GAS2: variants seen among roughly 807,000 people sequenced by gnomAD.
GAS2 encodes the protein growth arrest specific 2, also known as growth arrest-specific protein 2.
A neutral mutation model predicts 37.5 loss-of-function variants in GAS2; 20 were observed. The observed-to-expected ratio is 0.53, with a 90% CI of 0.37 to 0.77. The LOEUF is 0.77. Ranked by LOEUF, GAS2 falls within the 30% of genes least tolerant of loss-of-function variation. GAS2 has a pLI of 0.00. For synonymous variants in GAS2, 144 were observed against 132.2 expected (o/e 1.09, Z -0.61); for missense variants, 336 against 373.4 (o/e 0.90, Z 0.82).
At chr11:22,756,657 C>CA (rs1162113470) in intron 7 of GAS2, among the ~76,000 whole-genome samples, 1 of 151,890 alleles carries the variant, frequency 6.6e-6, no homozygotes, top group African/African-American at 2.4e-5. Context: ...CATGTAGTTG[C>CA]AAAAAGAAAG....
chr11:22,765,617 A>C lies in GAS2; in HGVS notation c.723+9664A>C, dbSNP rs184852056. ...ACACTGTGAAACCCTGTCTCTACTA[A>C]AATTACAAAAAATTAGCCTGGCGTG... On this transcript the variant is annotated intron_variant, in intron 7 of 7. Coordinates refer to ENST00000454584, the MANE Select transcript of GAS2 (RefSeq NM_001143830.3). Among the ~76,000 whole-genome samples, 839 of 152,070 alleles carry C rather than the reference A, an allele frequency of 5.5e-3. 6 individuals carry two copies. Among genetic ancestry groups the C allele is most frequent in the African/African-American group, 0.019 (796 of 41,508 alleles).
intron 3 of GAS2, among the ~76,000 whole-genome samples, chr11:22,705,626 C>T (rs572696679): frequency 8.5e-5 from 13 of 152,258 alleles, no homozygotes; most frequent in Middle Eastern, 3.4e-3. Flanking sequence ...TCTCAACTTT[C>T]GTTTAACCAT....
chr11:22,673,740 C>G (rs1456510774), intron 1 of GAS2, among the ~76,000 whole-genome samples: 1 of 152,154 alleles, frequency 6.6e-6, no homozygotes, highest in Non-Finnish European at 1.5e-5. Flanking sequence ...AACCCCATCT[C>G]TACTAAAAAA....
At chr11:22,699,313 G>T (rs1443094739) in intron 3 of GAS2, among the ~76,000 whole-genome samples, 1 of 152,116 alleles carries the variant, frequency 6.6e-6, no homozygotes, top group Admixed American at 6.6e-5. Context: ...TCTACAAAGG[G>T]ACCCAAACTC....
intron 3 of GAS2, among the ~76,000 whole-genome samples, chr11:22,711,336 T>C (rs1851395738): frequency 6.6e-6 from 1 of 152,156 alleles, no homozygotes; most frequent in Admixed American, 6.5e-5. Flanking sequence ...TCAAGTGAAG[T>C]CCAGGGAAGC....
intron 1 of GAS2, among the ~76,000 whole-genome samples, chr11:22,637,020 A>G (rs1219912884): frequency 2.2e-5 from 3 of 137,166 alleles, no homozygotes; most frequent in African/African-American, 8.0e-5. Context: ...ATTATTATAT[A>G]TTATATATTC....
chr11:22,643,617 T>C (rs1258271845), intron 1 of GAS2, among the ~76,000 whole-genome samples: 2 of 152,126 alleles, frequency 1.3e-5, no homozygotes, highest in African/African-American at 2.4e-5. Flanking sequence ...TAAGCAGATA[T>C]TTGAACTAAA....
At chr11:22,743,663 C>A (rs1378257224) in intron 5 of GAS2, among the ~76,000 whole-genome samples, 1 of 151,992 alleles carries the variant, frequency 6.6e-6, no homozygotes, top group Non-Finnish European at 1.5e-5. Context: ...ATTTTCATTT[C>A]TACTTTTCTG....
At chr11:22,699,440 G>T (rs1565095496) in intron 3 of GAS2, among the ~76,000 whole-genome samples, 1 of 152,090 alleles carries the variant, frequency 6.6e-6, no homozygotes, top group Non-Finnish European at 1.5e-5. Flanking sequence ...GTATTGGAAA[G>T]ATATGGGGGT....
intron 1 of GAS2, among the ~76,000 whole-genome samples, chr11:22,637,364 T>A (rs1858844731): frequency 9.7e-6 from 1 of 102,938 alleles, no homozygotes; most frequent in South Asian, 2.9e-4. Flanking sequence ...ATATTAATTA[T>A]ATTAATAGTA....
chr11:22,753,170 G>C (rs1853840001), intron 6 of GAS2, among the ~76,000 whole-genome samples: 2 of 152,002 alleles, frequency 1.3e-5, no homozygotes, highest in South Asian at 4.1e-4. Context: ...AAACTGGCTG[G>C]GTTCCTAGCC....
At chr11:22,698,559 A>G (rs889062170) in intron 3 of GAS2, among the ~76,000 whole-genome samples, 1 of 150,526 alleles carries the variant, frequency 6.6e-6, no homozygotes, top group African/African-American at 2.5e-5. Flanking sequence ...AGGCAGAGAC[A>G]CAACCAAAAA....
At chr11:22,798,583 A>G (rs963706962) in intron 7 of GAS2, among the ~76,000 whole-genome samples, 1 of 152,130 alleles carries the variant, frequency 6.6e-6, no homozygotes, top group Admixed American at 6.6e-5. Flanking sequence ...AAGATAATAA[A>G]TAAGAAAAAA....
intron 3 of GAS2, among the ~76,000 whole-genome samples, chr11:22,689,252 T>A (rs1385733742): frequency 1.3e-5 from 2 of 151,992 alleles, no homozygotes; most frequent in African/African-American, 4.8e-5. Context: ...CATGTAACAA[T>A]CCTGCACATG....
At position 22,668,640 on chromosome 11, in the gene GAS2, CT is replaced by C. The variant is rs370866689; in HGVS notation, c.-21+1744del. Among the ~76,000 whole-genome samples the C allele has an allele frequency of 4.2e-3, 642 of 152,292 alleles. 3 individuals are homozygous for C. Among genetic ancestry groups the C allele is most frequent in the Middle Eastern group, 6.8e-3 (2 of 294 alleles). On this transcript the variant is annotated intron_variant, in intron 1 of 7. Coordinates refer to ENST00000454584, the MANE Select transcript of GAS2 (RefSeq NM_001143830.3). ...TTAGAAACTTCAGTTAAACCTCAAACTTTCGAGTATGGTGAAATACCTGGTC... is the reference window on the plus strand; with the variant it reads ...TTAGAAACTTCAGTTAAACCTCAAACTTCGAGTATGGTGAAATACCTGGTC...
chr11:22,742,159 C>T (rs545929715), intron 5 of GAS2, among the ~76,000 whole-genome samples: 5 of 152,058 alleles, frequency 3.3e-5, no homozygotes, highest in African/African-American at 7.2e-5. Flanking sequence ...TTTGAGTATT[C>T]GCCCTACTTT....
intron 1 of GAS2, among the ~76,000 whole-genome samples, chr11:22,673,365 T>C (rs1386602318): frequency 6.6e-6 from 1 of 152,220 alleles, no homozygotes; most frequent in African/African-American, 2.4e-5. Flanking sequence ...ATATTACTTA[T>C]TGGTAACTTT....
intron 7 of GAS2, among the ~76,000 whole-genome samples, chr11:22,764,491 C>G (rs550297774): frequency 1.4e-5 from 2 of 141,462 alleles, no homozygotes; most frequent in African/African-American, 5.4e-5. Flanking sequence ...GCCCGGGAGG[C>G]GGAGCTTGCA....
chr11:22,743,718 G>A (rs1164649608), intron 5 of GAS2, among the ~76,000 whole-genome samples: 2 of 151,876 alleles, frequency 1.3e-5, no homozygotes, highest in African/African-American at 4.8e-5. Flanking sequence ...TGAAATTTTA[G>A]AAGTAGGTTA....
Sources: gnomAD v4.1 joint callset for allele counts (sites outside exome capture counted in the v4.1 genomes callset) on GRCh38, gnomAD v4.1.1 for gene constraint, MANE v1.5 for transcripts, NCBI Gene and HGNC (gene_info 2026-07-23, HGNC 2026-07-21) for gene names.